The following RANBP2 variants were observed in gnomAD, a reference collection of about 807,000 sequenced individuals.
RANBP2 encodes the protein RAN binding protein 2.
A neutral mutation model predicts 303.6 loss-of-function variants in RANBP2; 57 were observed. The observed-to-expected ratio is 0.19, with a 90% CI of 0.15 to 0.23. The LOEUF (loss-of-function observed/expected upper bound fraction) is 0.23. Among genes scored for constraint, RANBP2 ranks in the 10% least tolerant of loss-of-function variants. The pLI is 1.00. For missense variants in RANBP2, 3,138 were observed against 3,780.8 expected, an observed-to-expected ratio of 0.83 and a Z score of 4.46; for synonymous variants, 1,167 against 1,301.5, an observed-to-expected ratio of 0.90 and a Z score of 2.23.
At chr2:109,269,960 C>A in the RANBP2 span, among the ~76,000 whole-genome samples, 1 of 152,190 alleles carries the variant, frequency 6.6e-6, no homozygotes, top group Non-Finnish European at 1.5e-5. Context: ...ACAGAGAATT[C>A]CTAGCTGTAC....
the RANBP2 span, chr2:109,574,722 A>G: frequency 1.1e-5 from 18 of 1,604,658 alleles, no homozygotes; most frequent in African/African-American, 2.7e-5. Flanking sequence ...CTTCTTGGAG[A>G]TAGGCCTCAA....
chr2:109,687,837 G>A, the RANBP2 span, among the ~76,000 whole-genome samples: 13 of 150,942 alleles, frequency 8.6e-5, no homozygotes, highest in African/African-American at 2.4e-4. Flanking sequence ...CAGACCTCCC[G>A]GACTCAGGTG....
the RANBP2 span, among the ~76,000 whole-genome samples, chr2:109,358,404 G>T: frequency 6.6e-6 from 1 of 152,204 alleles, no homozygotes; most frequent in Admixed American, 6.5e-5. Flanking sequence ...AGCTCCTTTG[G>T]ATAAATACTA....
chr2:109,232,887 A>G, the RANBP2 span, among the ~76,000 whole-genome samples: 1 of 152,158 alleles, frequency 6.6e-6, no homozygotes, highest in South Asian at 2.1e-4. Context: ...TTTGGTTTAC[A>G]GTTCTGTGAG....
chr2:109,574,776 T>C, the RANBP2 span: 1 of 1,558,718 alleles, frequency 6.4e-7, no homozygotes, highest in Non-Finnish European at 8.7e-7. Context: ...AGCTGAAAAA[T>C]TATTTAAATG....
chr2:109,634,137 A>G, the RANBP2 span, among the ~76,000 whole-genome samples: 4 of 150,186 alleles, frequency 2.7e-5, no homozygotes, highest in East Asian at 1.9e-4. Context: ...AAAAAAAAAA[A>G]AAAAAAAAAG....
At chr2:109,525,559 CGTG>C in the RANBP2 span, among the ~76,000 whole-genome samples, 1 of 152,176 alleles carries the variant, frequency 6.6e-6, no homozygotes, top group Admixed American at 6.5e-5. Context: ...GGGCTGGTGA[CGTG>C]AACCCCAGGG....
the RANBP2 span, among the ~76,000 whole-genome samples, chr2:109,414,748 T>C: frequency 6.6e-6 from 1 of 152,190 alleles, no homozygotes; most frequent in Admixed American, 6.5e-5. Flanking sequence ...ACTGAGCCCA[T>C]GGCCTCTGTG....
chr2:108,727,514 C>T (rs1351469845), intron 1 of RANBP2, among the ~76,000 whole-genome samples: 1 of 151,428 alleles, frequency 6.6e-6, no homozygotes, highest in Non-Finnish European at 1.5e-5. Flanking sequence ...TTTGGACATT[C>T]ACTGGGGTCT....
chr2:109,203,608 C>T, the RANBP2 span, among the ~76,000 whole-genome samples: 7 of 152,256 alleles, frequency 4.6e-5, no homozygotes, highest in East Asian at 1.9e-4. Flanking sequence ...TCCACTTTCC[C>T]TTTGCACGAC....
At chr2:109,641,315 A>G in the RANBP2 span, among the ~76,000 whole-genome samples, 1 of 152,124 alleles carries the variant, frequency 6.6e-6, no homozygotes, top group Non-Finnish European at 1.5e-5. Flanking sequence ...TAGCAGCATT[A>G]TTATTCGCAG....
At chr2:109,052,875 A>G in the RANBP2 span, among the ~76,000 whole-genome samples, 1 of 152,202 alleles carries the variant, frequency 6.6e-6, no homozygotes, top group African/African-American at 2.4e-5. Flanking sequence ...GGTCAAAGCT[A>G]TTACTAGAGG....
chr2:109,723,667 C>T, the RANBP2 span, among the ~76,000 whole-genome samples: 4 of 152,028 alleles, frequency 2.6e-5, no homozygotes, highest in African/African-American at 9.7e-5. Context: ...GGACATTAGA[C>T]CTTTGTCAGA....
the RANBP2 span, among the ~76,000 whole-genome samples, chr2:109,170,244 T>TTTCTCTTCTCTTCTCTTCTC: frequency 6.4e-4 from 21 of 32,978 alleles, no homozygotes; most frequent in East Asian, 1.8e-3. Flanking sequence ...CTTCTTTTCT[T>TTTCTCTTCTCTTCTCTTCTC]TTCTCTTCTC....
At chr2:109,460,771 C>T in the RANBP2 span, among the ~76,000 whole-genome samples, 6 of 152,364 alleles carry the variant, frequency 3.9e-5, no homozygotes, top group East Asian at 1.9e-4. Flanking sequence ...GCCAAATCAT[C>T]GGCCACAGCC....
chr2:109,167,705 G>A, the RANBP2 span, among the ~76,000 whole-genome samples: 3 of 152,162 alleles, frequency 2.0e-5, no homozygotes, highest in African/African-American at 7.2e-5. Context: ...CCGAGTAGCT[G>A]GGACTACAGA....
At chr2:109,347,904 G>A in the RANBP2 span, 1 of 1,610,896 alleles carries the variant, frequency 6.2e-7, no homozygotes, top group East Asian at 2.2e-5. Context: ...ATGATTTCGA[G>A]ATGAAGGACA....
At chr2:109,416,165 C>G in the RANBP2 span, among the ~76,000 whole-genome samples, 1 of 152,198 alleles carries the variant, frequency 6.6e-6, no homozygotes, top group Non-Finnish European at 1.5e-5. Flanking sequence ...GTAAGCAACA[C>G]TAAACAGACT....
chr2:109,127,293 A>AGAGAGAGG, the RANBP2 span: 1 of 152,232 alleles, frequency 6.6e-6, no homozygotes, highest in Non-Finnish European at 1.5e-5. Context: ...AGAGAGAGAG[A>AGAGAGAGG]GAGAGAGGGA....
Sources: gnomAD v4.1 joint callset for allele counts (sites outside exome capture counted in the v4.1 genomes callset) on GRCh38, gnomAD v4.1.1 for gene constraint, MANE v1.5 for transcripts, NCBI Gene and HGNC (gene_info 2026-07-23, HGNC 2026-07-21) for gene names.